Variants in RIPOR2 observed in about 807,000 individuals in gnomAD.
RIPOR2 encodes RHO family interacting cell polarization regulator 2.
Under a neutral mutation model 114.5 loss-of-function variants are expected in RIPOR2, and 39 were observed. That is an observed-to-expected ratio of 0.34 (90% CI 0.26 to 0.44). The LOEUF (loss-of-function observed/expected upper bound fraction) is 0.44, where lower values mean the gene tolerates loss of function less well. Among genes scored for constraint, RIPOR2 ranks in the 20% least tolerant of loss-of-function variants. The pLI, the probability that RIPOR2 is intolerant of heterozygous loss-of-function variation, is 1.00. For synonymous variants in RIPOR2, 445 were observed against 484.4 expected (o/e 0.92, Z 1.07); for missense variants, 1,007 against 1,255.1 (o/e 0.80, Z 2.99).
intron 1 of RIPOR2, among the ~76,000 whole-genome samples, chr6:24,894,454 A>G (rs2113983297): frequency 6.6e-6 from 1 of 152,320 alleles, no homozygotes; most frequent in South Asian, 2.1e-4. Context: ...GTTACTACTT[A>G]TCTCCATTCT....
intron 3 of RIPOR2, 57 bp downstream of exon 3, chr6:24,873,586 CT>C: frequency 6.6e-7 from 1 of 1,503,806 alleles, no homozygotes; most frequent in East Asian, 2.3e-5. Context: ...ATAAGACCAG[CT>C]TTTCTCTGAC....
chr6:25,040,623 G>A (rs1221584162), intron 1 of RIPOR2, among the ~76,000 whole-genome samples: 1 of 138,584 alleles, frequency 7.2e-6, no homozygotes, highest in South Asian at 2.2e-4. Flanking sequence ...ACAGAGTTTC[G>A]CTGTTGTTGC....
At chr6:24,978,146 GA>G (rs1223157276) in intron 1 of RIPOR2, among the ~76,000 whole-genome samples, 1 of 152,118 alleles carries the variant, frequency 6.6e-6, no homozygotes, top group African/African-American at 2.4e-5. Flanking sequence ...GCTCAAATAT[GA>G]ATCTAGTGTG....
intron 1 of RIPOR2, among the ~76,000 whole-genome samples, chr6:25,010,251 A>G (rs2113675159): frequency 6.6e-6 from 1 of 152,214 alleles, no homozygotes; most frequent in South Asian, 2.1e-4. Context: ...GGGATGATTG[A>G]ATCATCACTA....
At chr6:25,002,033 AC>A (rs962068190) in intron 1 of RIPOR2, among the ~76,000 whole-genome samples, 12 of 152,272 alleles carry the variant, frequency 7.9e-5, no homozygotes, top group Middle Eastern at 3.4e-3. Flanking sequence ...CTCTGATGCA[AC>A]TATTCAGCTC....
At chr6:24,927,968 G>C (rs1257852026) in intron 1 of RIPOR2, among the ~76,000 whole-genome samples, 2 of 152,164 alleles carry the variant, frequency 1.3e-5, no homozygotes, top group African/African-American at 4.8e-5. Flanking sequence ...GGTTAGAAAA[G>C]GGGTCTGGGC....
intron 1 of RIPOR2, among the ~76,000 whole-genome samples, chr6:25,017,408 C>T (rs1021869283): frequency 6.6e-5 from 10 of 152,218 alleles, no homozygotes; most frequent in Non-Finnish European, 1.0e-4. Flanking sequence ...ACATCTAGAT[C>T]GCCTGCTTTT....
chr6:24,836,323 TA>T (rs1484019462), intron 14 of RIPOR2, among the ~76,000 whole-genome samples: 2 of 152,102 alleles, frequency 1.3e-5, no homozygotes, highest in Admixed American at 6.6e-5. Flanking sequence ...GCTACTTGAA[TA>T]AAAGGAAAAA....
chr6:24,826,101 A>G (rs113713270), intron 18 of RIPOR2, among the ~76,000 whole-genome samples: 4,644 of 151,648 alleles, frequency 0.031, 147 homozygotes, highest in African/African-American at 0.082. Context: ...TAATTGTTGT[A>G]TTTTTAGTAG....
chr6:24,868,661 A>G (rs556793576), intron 6 of RIPOR2, among the ~76,000 whole-genome samples: 5 of 152,258 alleles, frequency 3.3e-5, no homozygotes, highest in African/African-American at 9.6e-5. Flanking sequence ...CTTGAGAGAG[A>G]TTGAGGGAGG....
chr6:24,857,182 T>A (rs1244094142), intron 8 of RIPOR2, among the ~76,000 whole-genome samples: 1 of 152,224 alleles, frequency 6.6e-6, no homozygotes, highest in Non-Finnish European at 1.5e-5. Context: ...AGTGGGGCAA[T>A]GACAGTTACA....
At chr6:24,841,513 G>A (rs532594469) in intron 13 of RIPOR2, among the ~76,000 whole-genome samples, 4 of 152,046 alleles carry the variant, frequency 2.6e-5, no homozygotes, top group Admixed American at 2.6e-4. Context: ...CTCCTACAGA[G>A]TTAGGTCAGC....
At chr6:24,869,471 C>G (rs1398452078) in intron 5 of RIPOR2, among the ~76,000 whole-genome samples, 2 of 152,010 alleles carry the variant, frequency 1.3e-5, no homozygotes, top group African/African-American at 2.4e-5. Context: ...GTGCCCGCCA[C>G]CATGCCTGGC....
chr6:24,935,851 A>AT lies in RIPOR2; in HGVS notation c.47dup (p.Asp16GlufsTer5). The AT allele has an allele frequency of 6.5e-7, 1 of 1,535,320 alleles. No homozygotes were observed. On this transcript the variant is annotated frameshift_variant, in exon 1 of 22. Coordinates refer to ENST00000643898, the MANE Select transcript of RIPOR2 (RefSeq NM_001286445.3). LOFTEE classifies it high-confidence loss of function. ...AGATGCATTTACCTTCACCAAAAAC[A>AT]TCATCCTCTTCATCGACCAGGAGCT...
intron 1 of RIPOR2, among the ~76,000 whole-genome samples, chr6:24,890,929 C>T (rs1767289927): frequency 6.6e-6 from 1 of 151,258 alleles, no homozygotes; most frequent in African/African-American, 2.4e-5. Context: ...CTGGGGTGGG[C>T]CACTGCACCT....
intron 1 of RIPOR2, among the ~76,000 whole-genome samples, chr6:25,020,480 G>C (rs1008062243): frequency 6.6e-6 from 1 of 152,196 alleles, no homozygotes; most frequent in Non-Finnish European, 1.5e-5. Flanking sequence ...TATTCATCTT[G>C]ATTCTTACTG....
At chr6:25,005,125 G>C (rs970030198) in intron 1 of RIPOR2, among the ~76,000 whole-genome samples, 3 of 152,010 alleles carry the variant, frequency 2.0e-5, no homozygotes, top group African/African-American at 4.8e-5. Context: ...CTTTGCACCA[G>C]GAGAATTTCT....
intron 1 of RIPOR2, among the ~76,000 whole-genome samples, chr6:25,012,035 A>C (rs1478011509): frequency 3.9e-5 from 6 of 152,308 alleles, no homozygotes; most frequent in Admixed American, 3.9e-4. Context: ...AACTAACAAT[A>C]AAAAGACAAA....
chr6:24,946,927 TTTTCAGTATATGTG>T (rs1336668607), intron 1 of RIPOR2, among the ~76,000 whole-genome samples: 1 of 152,232 alleles, frequency 6.6e-6, no homozygotes, highest in African/African-American at 2.4e-5. Flanking sequence ...GCGTGGCTTC[TTTTCAGTATATGTG>T]TTTCAGTGAC....
Sources: gnomAD v4.1 joint callset for allele counts (sites outside exome capture counted in the v4.1 genomes callset) on GRCh38, gnomAD v4.1.1 for gene constraint, MANE v1.5 for transcripts, NCBI Gene and HGNC (gene_info 2026-07-23, HGNC 2026-07-21) for gene names.